CES3: variants seen among roughly 807,000 people sequenced by gnomAD.
CES3 encodes carboxylesterase 3.
Under a neutral mutation model 57.6 loss-of-function variants are expected in CES3, and 49 were observed. The ratio of observed to expected loss-of-function variants is 0.85; its 90% CI spans 0.68 to 1.08. CES3 has a LOEUF of 1.08. Among genes scored for constraint, CES3 ranks in the 50% least tolerant of loss-of-function variants. The probability of loss-of-function intolerance (pLI) is 0.00; values close to 1 mark genes in which losing one functional copy is unlikely to be tolerated. For synonymous variants in CES3, 266 were observed against 281.6 expected, an observed-to-expected ratio of 0.94 and a Z score of 0.55; for missense variants, 645 against 742.0, an observed-to-expected ratio of 0.87 and a Z score of 1.52.
intron 8 of CES3, chr16:66,967,798 A>G (rs1026134961): frequency 5.2e-6 from 5 of 970,114 alleles, no homozygotes; most frequent in Admixed American, 6.2e-5. Flanking sequence ...GCCTCGATCC[A>G]TCATCCAGGC....
At chr16:66,971,420 GC>G in intron 10 of CES3, 101 bp downstream of exon 10, 1 of 1,250,344 alleles carries the variant, frequency 8.0e-7, no homozygotes, top group African/African-American at 1.5e-5. Context: ...TTCCCTCAAT[GC>G]CTTGCACCCC....
At chr16:66,961,882 G>A (rs916294026) in intron 1 of CES3, among the ~76,000 whole-genome samples, 2 of 152,046 alleles carry the variant, frequency 1.3e-5, no homozygotes, top group Non-Finnish European at 2.9e-5. Flanking sequence ...TGTCTTAAGG[G>A]GGCCTGAGAT....
intron 4 of CES3, 148 bp from the exon 5 acceptor site, chr16:66,964,209 G>C: frequency 3.6e-6 from 4 of 1,124,806 alleles, no homozygotes; most frequent in Non-Finnish European, 3.7e-6. Context: ...AGAGCAACAG[G>C]CTGTGGAGAT....
intron 9 of CES3, among the ~76,000 whole-genome samples, chr16:66,970,109 GTTTT>G (rs369272818): frequency 7.8e-6 from 1 of 127,980 alleles, no homozygotes; most frequent in Non-Finnish European, 1.6e-5. Flanking sequence ...TCTTTTCTTT[GTTTT>G]TTTTTTTTTT....
intron 7 of CES3, 146 bp from the exon 8 acceptor site, chr16:66,966,579 C>G (rs1963735318): frequency 9.2e-7 from 1 of 1,081,496 alleles, no homozygotes. Flanking sequence ...CCTGGTTCCC[C>G]CGACCCCCTT....
intron 1 of CES3, among the ~76,000 whole-genome samples, chr16:66,962,896 C>G (rs974118927): frequency 2.0e-5 from 3 of 152,176 alleles, no homozygotes; most frequent in Non-Finnish European, 2.9e-5. Flanking sequence ...GACCCTGTCT[C>G]AAACACAAAA....
In CES3 at chr16:66,963,819, T is replaced by C. The variant is rs1963690024; in HGVS notation, c.444T>C (p.His148=). The C allele has an allele frequency of 2.5e-6, 4 of 1,614,106 alleles. No individual in the cohort carries two copies. Among genetic ancestry groups the C allele is most frequent in the Non-Finnish European group, 3.4e-6 (4 of 1,179,954 alleles). ...GSGRPVMVWV[H]GGALITGAAT... ...CTCTGCAGGTCATGGTATGGGTCCATGGAGGCGCTCTGATAACTGGCGCTG... is the reference window on the plus strand; with the variant it reads ...CTCTGCAGGTCATGGTATGGGTCCACGGAGGCGCTCTGATAACTGGCGCTG... The change falls in exon 4 of 13, where the codon CAT becomes CAC. Residue 148 remains histidine, a synonymous_variant. Coordinates refer to ENST00000303334, the MANE Select transcript of CES3 (RefSeq NM_024922.6). This position sits in a 1 kb window ranked among gnomAD's most constrained non-coding sequence, Gnocchi z 4.9.
Position 66,966,171 on chromosome 16 carries a change from T to G in CES3, c.820-73T>G. The G allele has an allele frequency of 3.0e-6, 4 of 1,354,940 alleles. No individual in the cohort carries two copies. In the Admixed American group the frequency reaches 5.4e-5, roughly 18 times the overall value. The allele number at this position is 1,354,940 out of a possible 1,614,324, so 83.9% of individuals were successfully genotyped here. On this transcript the variant is annotated intron_variant, in intron 6 of 12. Transcript: ENST00000303334. ...AGCTGTCCTACAGATGCACCCTCTC[T>G]GTGGGAGGCAGAAGGCTGCAAGGTG... is the stretch of plus-strand genomic sequence containing the variant.
chr16:66,963,872 C>T lies in CES3; in HGVS notation c.497C>T (p.Ala166Val), dbSNP rs947751755. The T allele has an allele frequency of 5.6e-6, 9 of 1,614,072 alleles. No homozygotes were observed. The highest frequency in any genetic ancestry group is 1.3e-5 in the African/African-American group (1 of 74,932). ...ACCTCCTACGATGGATCAGCTCTGG[C>T]TGCCTATGGGGATGTGGTCGTGGTT... Reference protein sequence around the residue: ...AATSYDGSALAAYGDVVVVTV... With the variant: ...AATSYDGSALVAYGDVVVVTV... Residue 166 changes from alanine to valine, a missense_variant, in exon 4 of 13, where the codon GCT becomes GTT. By Grantham distance (64) the Ala-to-Val change is moderately conservative (BLOSUM62 0). Transcript: ENST00000303334. The surrounding 1 kb of genome is among the most constrained non-coding windows in gnomAD (Gnocchi z 4.9).
In CES3 at chr16:66,963,394, C is replaced by T. The variant is rs758334768; in HGVS notation, c.287+11C>T. 1.2e-6 allele frequency: 2 copies of T among 1,612,276 alleles called. No homozygotes were observed. The highest frequency in any genetic ancestry group is 2.2e-5 in the East Asian group (1 of 44,846). On this transcript the variant is annotated intron_variant, in intron 2 of 12. Coordinates refer to ENST00000303334, the MANE Select transcript of CES3 (RefSeq NM_024922.6). The surrounding 1 kb of genome is among the most constrained non-coding windows in gnomAD (Gnocchi z 4.9). ...CACTGCGCCCCCAATGTGAGTAGTG[C>T]TGGTGGAGGCGGGCAAACAGGCAGG...
At chr16:66,969,873 T>C in intron 9 of CES3, 114 bp downstream of exon 9, 2 of 854,560 alleles carry the variant, frequency 2.3e-6, no homozygotes, top group Non-Finnish European at 3.8e-6. Flanking sequence ...GCTACCCACC[T>C]ACCACCAAGC....
chr16:66,966,911 A>G, intron 8 of CES3, 46 bp downstream of exon 8: 2 of 1,606,246 alleles, frequency 1.2e-6, no homozygotes, highest in Non-Finnish European at 1.7e-6. Flanking sequence ...TGCCCCAGCC[A>G]GTACCTGCCA....
In CES3 at chr16:66,963,431, T is replaced by C; in HGVS notation, c.287+48T>C. 6.2e-7 allele frequency: 1 copy of C among 1,610,714 alleles called. No homozygotes were observed. The highest frequency in any genetic ancestry group is 1.7e-5 in the Admixed American group (1 of 59,970). ...GGCAAACAGGCAGGTTGCAGGAGAATCCTGCTGCTGGGGCTTGTGGGGCTG... is the reference window on the plus strand; with the variant it reads ...GGCAAACAGGCAGGTTGCAGGAGAACCCTGCTGCTGGGGCTTGTGGGGCTG... On this transcript the variant is annotated intron_variant, in intron 2 of 12. Transcript: ENST00000303334. The surrounding 1 kb of genome is among the most constrained non-coding windows in gnomAD (Gnocchi z 4.9).
chr16:66,972,934 G>T lies in CES3; in HGVS notation c.1601G>T (p.Arg534Leu), dbSNP rs144166705. 1 of 1,614,124 alleles carries T rather than the reference G, an allele frequency of 6.2e-7. No homozygotes were observed. Among genetic ancestry groups the T allele is most frequent in the African/African-American group, 1.3e-5 (1 of 75,030 alleles). ...EQYLEINPVP[R>L]AGQKFREAWM... The stretch of plus-strand genomic sequence containing the variant: ...TATCTGGAGATCAACCCAGTGCCAC[G>T]GGCCGGACAGAAGTTCAGGGAGGCC... The change falls in exon 13 of 13, where the codon CGG (arginine) becomes CTG (leucine). Residue 534 changes from arginine to leucine, a missense_variant. Coordinates refer to ENST00000303334, the MANE Select transcript of CES3 (RefSeq NM_024922.6).
Position 66,972,382 on chromosome 16 carries a change from G to A in CES3, c.1318G>A (p.Glu440Lys), listed in dbSNP as rs749764803. ...RDSGSPVFFY[E>K]FQHRPSSFAK... Reference sequence around the variant, plus strand: ...TTCTGGAAGCCCTGTCTTTTTCTATGAGTTCCAGCATCGACCCAGTTCTTT... The same window carrying A: ...TTCTGGAAGCCCTGTCTTTTTCTATAAGTTCCAGCATCGACCCAGTTCTTT... Residue 440 changes from glutamate (E) to lysine (K), a missense_variant, in exon 11 of 13, where the codon GAG becomes AAG. Glu to Lys is a moderately conservative substitution (Grantham distance 56, BLOSUM62 1). Coordinates refer to ENST00000303334, the MANE Select transcript of CES3 (RefSeq NM_024922.6). The A allele has an allele frequency of 1.2e-6, 2 of 1,605,662 alleles. No homozygotes were observed. The highest frequency in any genetic ancestry group is 8.5e-7 in the Non-Finnish European group (1 of 1,176,154).
chr16:66,967,015 C>A, intron 8 of CES3, 150 bp downstream of exon 8: 1 of 935,758 alleles, frequency 1.1e-6, no homozygotes, highest in Non-Finnish European at 1.6e-6. Context: ...GTTTGAGGGA[C>A]TTGCCCAAGG....
At position 66,963,808 on chromosome 16, in the gene CES3, G is replaced by A; in HGVS notation, c.433G>A (p.Val145Ile). ...CCCATGGCCACCTCTGCAGGTCATGGTATGGGTCCATGGAGGCGCTCTGAT... is the reference window on the plus strand; with the variant it reads ...CCCATGGCCACCTCTGCAGGTCATGATATGGGTCCATGGAGGCGCTCTGAT... The part of the protein sequence containing the change: ...VPAGSGRPVM[V>I]WVHGGALITG... The change falls in exon 4 of 13, where the codon GTA becomes ATA. Residue 145 changes from valine to isoleucine, a missense_variant. Coordinates refer to ENST00000303334, the MANE Select transcript of CES3 (RefSeq NM_024922.6). This position sits in a 1 kb window ranked among gnomAD's most constrained non-coding sequence, Gnocchi z 4.9. 6.2e-7 allele frequency: 1 copy of A among 1,613,618 alleles called. No homozygotes were observed. The highest frequency in any genetic ancestry group is 8.5e-7 in the Non-Finnish European group (1 of 1,179,534).
intron 4 of CES3, 47 bp from the exon 5 acceptor site, chr16:66,964,310 G>T: frequency 6.3e-7 from 1 of 1,598,788 alleles, no homozygotes; most frequent in South Asian, 1.1e-5. Flanking sequence ...TGCAGAGGCT[G>T]GCGAGGAGCC....
intron 7 of CES3, 99 bp downstream of exon 7, chr16:66,966,444 C>G: frequency 8.1e-7 from 1 of 1,227,432 alleles, no homozygotes; most frequent in Non-Finnish European, 1.1e-6. Context: ...CCAGGTGGGG[C>G]TGGGGACAGC....
Sources: gnomAD v4.1 joint callset for allele counts (sites outside exome capture counted in the v4.1 genomes callset) on GRCh38, gnomAD v4.1.1 for gene constraint, Gnocchi (gnomAD v3.1) non-coding constraint, MANE v1.5 for transcripts, NCBI Gene and HGNC (gene_info 2026-07-23, HGNC 2026-07-21) for gene names.